The following PPFIA1 variants were observed in gnomAD, a reference collection of about 807,000 sequenced individuals.
PPFIA1 encodes liprin-alpha-1.
PPFIA1 carries 25 observed loss-of-function variants against 149.9 expected under a neutral mutation model. The ratio of observed to expected loss-of-function variants is 0.17; its 90% confidence interval spans 0.12 to 0.23. The LOEUF (loss-of-function observed/expected upper bound fraction) is 0.23, where lower values mean the gene tolerates loss of function less well. Ranked by LOEUF, PPFIA1 falls within the 10% of genes least tolerant of loss-of-function variation. PPFIA1 has a pLI of 1.00. For missense variants in PPFIA1, 1,362 were observed against 1,506.5 expected (o/e 0.90, Z 1.59); for synonymous variants, 549 against 552.8 (o/e 0.99, Z 0.10).
intron 8 of PPFIA1, 52 bp from the exon 9 acceptor site, chr11:70,331,908 C>G (rs1303647943): frequency 6.4e-7 from 1 of 1,561,862 alleles, no homozygotes; most frequent in African/African-American, 1.4e-5. Context: ...CTGTTAAAAA[C>G]TGATCAGCTA....
Position 70,372,281 on chromosome 11 carries a change from C to T in PPFIA1, c.2932C>T (p.Pro978Ser), listed in dbSNP as rs756964774. ...GNEWLPSLGL[P>S]QYRSYFMECL... ...CGAGTGGCTCCCCAGCCTGGGCCTC[C>T]CCCAGTACCGCAGCTACTTCATGGA... The change falls in exon 22 of 28, where the codon CCC becomes TCC. Residue 978 changes from proline to serine, a missense_variant. By Grantham distance (74) the Pro-to-Ser change is moderately conservative. Transcript: ENST00000253925. 2 of 1,614,212 alleles carry T rather than the reference C, an allele frequency of 1.2e-6. No individual in the cohort carries two copies. Among genetic ancestry groups the T allele is most frequent in the South Asian group, 1.1e-5 (1 of 91,086 alleles).
At chr11:70,342,973 A>G (rs1453562306) in intron 14 of PPFIA1, among the ~76,000 whole-genome samples, 2 of 87,126 alleles carry the variant, frequency 2.3e-5, no homozygotes, top group Non-Finnish European at 4.1e-5. Context: ...TTTGAGGCAG[A>G]GTCTCTTTCT....
chr11:70,331,114 C>T (rs1486470227), intron 8 of PPFIA1, among the ~76,000 whole-genome samples: 2 of 151,650 alleles, frequency 1.3e-5, no homozygotes, highest in Admixed American at 6.6e-5. Context: ...CATCTGTAAT[C>T]CCAGCTGCTA....
chr11:70,355,479 G>A lies in PPFIA1; in HGVS notation c.2316-160G>A, dbSNP rs187531179. 1.8e-3 allele frequency among the ~76,000 whole-genome samples: 271 copies of A among 152,298 alleles called. 2 individuals are homozygous for A. The highest frequency in any genetic ancestry group is 6.3e-3 in the African/African-American group (261 of 41,562). On this transcript the variant is annotated intron_variant, in intron 17 of 27. Transcript: ENST00000253925. ...TCAGCTGCCCAGAATGGGTCTCCGC[G>A]CTGGCCTCGCCGGGAGTCTGCCTTT...
Position 70,336,156 on chromosome 11 carries a change from A to T in PPFIA1, c.1428+462A>T, listed in dbSNP as rs143520266. ...CAGGTTCTAGTTTGCCAGCCCCTGC[A>T]CTAGGATCATTTTTTGGGCCCAACC... On this transcript the variant is annotated intron_variant, in intron 11 of 27. Coordinates refer to ENST00000253925, the MANE Select transcript of PPFIA1 (RefSeq NM_003626.5). 1.8e-3 allele frequency among the ~76,000 whole-genome samples: 279 copies of T among 152,318 alleles called. 5 individuals are homozygous for T. In the East Asian group the frequency reaches 0.043, roughly 23 times the overall value.
intron 19 of PPFIA1, chr11:70,358,212 GTGCTT>G (rs2056449416): frequency 6.6e-6 from 1 of 152,126 alleles, no homozygotes; most frequent in Non-Finnish European, 1.5e-5. Flanking sequence ...TTTAGAAAAA[GTGCTT>G]TATTTATTGA....
rs1199617327 is a variant in PPFIA1 at position 70,299,907 on chromosome 11, C to T, written c.265-24495C>T. On this transcript the variant is annotated intron_variant, in intron 2 of 27. Coordinates refer to ENST00000253925, the MANE Select transcript of PPFIA1 (RefSeq NM_003626.5). ...CAGCCACCAGCCTAACCTCAGCCAT[C>T]GCTTTGGGAGGGTTTGTTCAGTGTC... Among the ~76,000 whole-genome samples, 10 of 152,244 alleles carry T rather than the reference C, an allele frequency of 6.6e-5. No homozygotes were observed. In the South Asian group the frequency reaches 8.3e-4, roughly 13 times the overall value.
chr11:70,375,223 G>GTTTTT (rs746047562), intron 24 of PPFIA1, 130 bp downstream of exon 24: 7 of 166,970 alleles, frequency 4.2e-5, no homozygotes, highest in African/African-American at 1.4e-4. Flanking sequence ...CTAGTTTTTG[G>GTTTTT]TTTTTTTTTT....
At chr11:70,311,957 C>T (rs1485632397) in intron 2 of PPFIA1, among the ~76,000 whole-genome samples, 1 of 150,118 alleles carries the variant, frequency 6.7e-6, no homozygotes, top group East Asian at 2.0e-4. Flanking sequence ...AGTCCTCACA[C>T]CTAACCTCCC....
At chr11:70,287,887 TCC>T (rs2051255011) in intron 2 of PPFIA1, among the ~76,000 whole-genome samples, 1 of 151,964 alleles carries the variant, frequency 6.6e-6, no homozygotes, top group African/African-American at 2.4e-5. Flanking sequence ...GCTCAAGTGA[TCC>T]TCCTACTTGG....
At chr11:70,375,117 T>G in intron 24 of PPFIA1, 24 bp downstream of exon 24, 1 of 1,497,782 alleles carries the variant, frequency 6.7e-7, no homozygotes, top group Non-Finnish European at 8.9e-7. Context: ...TGTCTGTGTC[T>G]GCACTCATTG....
intron 2 of PPFIA1, among the ~76,000 whole-genome samples, chr11:70,302,088 T>A (rs949377425): frequency 2.0e-5 from 3 of 152,144 alleles, no homozygotes; most frequent in Admixed American, 6.5e-5. Flanking sequence ...GTAGACAGAA[T>A]CCAGCATAGC....
At chr11:70,348,772 G>A (rs2055870339) in intron 16 of PPFIA1, among the ~76,000 whole-genome samples, 1 of 152,140 alleles carries the variant, frequency 6.6e-6, no homozygotes, top group African/African-American at 2.4e-5. Flanking sequence ...TCTGGAGGTT[G>A]AGGTGGGAGG....
rs1204453030 is a variant in PPFIA1, at chr11:70,343,792, C to G, written c.1831C>G (p.Leu611Val). 2 of 1,614,204 alleles carry G rather than the reference C, an allele frequency of 1.2e-6. No homozygotes were observed. The highest frequency in any genetic ancestry group is 1.7e-6 in the Non-Finnish European group (2 of 1,180,030). Residue 611 changes from leucine (L) to valine (V), a missense_variant, in exon 15 of 28, where the codon CTC (leucine) becomes GTC (valine). Physicochemically the swap from Leu to Val is conservative, Grantham distance 32. Transcript: ENST00000253925. ...TGGTGAAGATGACAGGGACACTCTC[C>G]TCAGCTCAGTTGACCTGCTATCGCC... is the stretch of plus-strand genomic sequence containing the variant. ...SDGEDDRDTL[L>V]SSVDLLSPSG...
intron 2 of PPFIA1, among the ~76,000 whole-genome samples, chr11:70,306,740 G>A (rs550691551): frequency 6.6e-6 from 1 of 152,310 alleles, no homozygotes; most frequent in East Asian, 1.9e-4. Flanking sequence ...ATAGGTAAAA[G>A]CAGACCAGTC....
intron 2 of PPFIA1, among the ~76,000 whole-genome samples, chr11:70,273,466 A>T (rs2050211380): frequency 6.6e-6 from 1 of 152,250 alleles, no homozygotes; most frequent in East Asian, 1.9e-4. Flanking sequence ...TGTGTTTCAG[A>T]GCTGTCTAGG....
intron 2 of PPFIA1, among the ~76,000 whole-genome samples, chr11:70,292,809 C>T (rs2051625727): frequency 6.6e-6 from 1 of 152,184 alleles, no homozygotes; most frequent in African/African-American, 2.4e-5. Flanking sequence ...TCCAAGCAGT[C>T]TGACTCCAGA....
At chr11:70,344,270 A>G (rs963806584) in intron 15 of PPFIA1, among the ~76,000 whole-genome samples, 7 of 152,216 alleles carry the variant, frequency 4.6e-5, no homozygotes, top group Admixed American at 2.0e-4. Context: ...GAGGAGGCTG[A>G]TCGGCCTACC....
At chr11:70,327,982 C>T (rs899702308) in intron 7 of PPFIA1, among the ~76,000 whole-genome samples, 20 of 152,188 alleles carry the variant, frequency 1.3e-4, no homozygotes, top group African/African-American at 4.8e-4. Flanking sequence ...AGTATGTCAC[C>T]TAAGGTTCTA....
Sources: allele counts gnomAD v4.1 joint callset (sites outside exome capture counted in the v4.1 genomes callset), GRCh38; gene constraint gnomAD v4.1.1; transcripts MANE v1.5; gene names NCBI Gene and HGNC (gene_info 2026-07-23, HGNC 2026-07-21).